FRAS1: variants seen among roughly 807,000 people sequenced by gnomAD.
FRAS1 encodes extracellular matrix organizing protein FRAS1.
In FRAS1, 290 loss-of-function variants were observed where a neutral mutation model predicts 435.2. The observed-to-expected ratio is 0.67, with a 90% CI of 0.61 to 0.73. The LOEUF is 0.73. Ranked by LOEUF, FRAS1 falls within the 30% of genes least tolerant of loss-of-function variation. The pLI is 0.00. For synonymous variants in FRAS1, 1,800 were observed against 1,851.0 expected (o/e 0.97, Z 0.71); for missense variants, 4,860 against 5,001.5 (o/e 0.97, Z 0.85).
intron 70 of FRAS1, among the ~76,000 whole-genome samples, chr4:78,527,392 G>C (rs1721569692): frequency 6.6e-6 from 1 of 152,108 alleles, no homozygotes; most frequent in Non-Finnish European, 1.5e-5. Flanking sequence ...TCAAGGCATT[G>C]AGGTGATAGC....
At chr4:78,419,634 A>G (rs1350651428) in intron 33 of FRAS1, among the ~76,000 whole-genome samples, 4 of 152,194 alleles carry the variant, frequency 2.6e-5, no homozygotes, top group Non-Finnish European at 5.9e-5. Context: ...GGACTTAACT[A>G]ATAAGCCTAT....
At chr4:78,538,953 TAAAAA>T (rs10545506) in intron 72 of FRAS1, among the ~76,000 whole-genome samples, 2 of 134,046 alleles carry the variant, frequency 1.5e-5, no homozygotes, top group Non-Finnish European at 1.6e-5. Context: ...AGACTCCATC[TAAAAA>T]AAAAAAAAAA....
At chr4:78,264,782 C>T (rs992299734) in intron 6 of FRAS1, 2 of 559,290 alleles carry the variant, frequency 3.6e-6, no homozygotes, top group Admixed American at 2.6e-5. Context: ...GTTATTTGTG[C>T]TTTTCTTTGT....
chr4:78,284,278 T>G, intron 12 of FRAS1, 127 bp from the exon 13 acceptor site: 1 of 522,168 alleles, frequency 1.9e-6, no homozygotes, highest in South Asian at 2.3e-5. Context: ...TTTTCCTAAG[T>G]CCCACAGTTT....
At chr4:78,319,354 C>T in intron 18 of FRAS1, 1 of 460,932 alleles carries the variant, frequency 2.2e-6, no homozygotes, top group Non-Finnish European at 4.3e-6. Flanking sequence ...GAATTGGTCC[C>T]TTCAGGGCAA....
At chr4:78,354,410 A>T (rs1450030108) in intron 20 of FRAS1, among the ~76,000 whole-genome samples, 1 of 152,230 alleles carries the variant, frequency 6.6e-6, no homozygotes, top group African/African-American at 2.4e-5. Context: ...AAGAGAATAC[A>T]TGATTTGTAA....
intron 31 of FRAS1, among the ~76,000 whole-genome samples, chr4:78,412,393 A>C (rs536382675): frequency 3.3e-4 from 50 of 152,370 alleles, no homozygotes; most frequent in African/African-American, 1.1e-3. Flanking sequence ...TTTTTGCAGC[A>C]GGAAAAAGTT....
intron 69 of FRAS1, among the ~76,000 whole-genome samples, chr4:78,524,850 G>C (rs1256572015): frequency 6.6e-6 from 1 of 152,140 alleles, no homozygotes; most frequent in African/African-American, 2.4e-5. Context: ...GAATGGTATG[G>C]AGCAGGGTAA....
intron 71 of FRAS1, among the ~76,000 whole-genome samples, 182 bp downstream of exon 71, chr4:78,534,797 G>A (rs114824401): frequency 0.036 from 5,542 of 152,268 alleles, 329 homozygotes; most frequent in African/African-American, 0.13. Context: ...ATGCTGTTTC[G>A]AAATCAAATC....
chr4:78,521,062 T>C (rs1356956848), intron 67 of FRAS1, among the ~76,000 whole-genome samples: 1 of 152,242 alleles, frequency 6.6e-6, no homozygotes, highest in Non-Finnish European at 1.5e-5. Context: ...GTTGGCTTTC[T>C]ACAAGCTGGC....
At chr4:78,526,734 T>C in intron 70 of FRAS1, 77 bp downstream of exon 70, 7 of 900,274 alleles carry the variant, frequency 7.8e-6, no homozygotes, top group Non-Finnish European at 6.7e-6. Context: ...AATTTATTTG[T>C]AACCCCCAAA....
chr4:78,076,438 C>T (rs1740644095), intron 2 of FRAS1, among the ~76,000 whole-genome samples: 1 of 152,216 alleles, frequency 6.6e-6, no homozygotes, highest in South Asian at 2.1e-4. Flanking sequence ...TTAAATTATG[C>T]TCCAGTTAGT....
intron 2 of FRAS1, among the ~76,000 whole-genome samples, chr4:78,203,092 A>T (rs1170744792): frequency 6.6e-6 from 1 of 152,232 alleles, no homozygotes; most frequent in East Asian, 1.9e-4. Flanking sequence ...CATAATGCCA[A>T]TTTTGGGAGT....
intron 26 of FRAS1, 23 bp downstream of exon 26, chr4:78,375,902 T>C: frequency 1.2e-6 from 2 of 1,612,886 alleles, no homozygotes; most frequent in Non-Finnish European, 1.7e-6. Flanking sequence ...CCTCAGATGG[T>C]CTGGTGAATT....
chr4:78,534,647 C>T (rs757257818), intron 71 of FRAS1, 32 bp downstream of exon 71: 4 of 1,602,340 alleles, frequency 2.5e-6, no homozygotes, highest in South Asian at 1.1e-5. Flanking sequence ...CAGAAAGAGG[C>T]TCTGCCTGGA....
chr4:78,199,757 G>A (rs1262784092), intron 2 of FRAS1, among the ~76,000 whole-genome samples: 2 of 152,174 alleles, frequency 1.3e-5, no homozygotes, highest in African/African-American at 2.4e-5. Flanking sequence ...TAGTGCATTA[G>A]GATCAATGAT....
chr4:78,261,054 T>C (rs766863077), intron 6 of FRAS1, among the ~76,000 whole-genome samples: 3 of 152,138 alleles, frequency 2.0e-5, no homozygotes, highest in Non-Finnish European at 4.4e-5. Context: ...CCTCTCTGTT[T>C]CCTTCTCTTT....
At chr4:78,065,135 A>T (rs1009490965) in intron 1 of FRAS1, among the ~76,000 whole-genome samples, 1 of 144,976 alleles carries the variant, frequency 6.9e-6, no homozygotes, top group East Asian at 2.0e-4. Context: ...ACTATATATT[A>T]TATATATACT....
At chr4:78,527,632 T>C (rs10030186) in intron 70 of FRAS1, among the ~76,000 whole-genome samples, 79,305 of 151,966 alleles carry the variant, frequency 0.52, 20,805 homozygotes, top group South Asian at 0.59. Flanking sequence ...TGGTGAACTC[T>C]GCCAAGAGCA....
Sources: gnomAD v4.1 joint callset for allele counts (sites outside exome capture counted in the v4.1 genomes callset) on GRCh38, gnomAD v4.1.1 for gene constraint, MANE v1.5 for transcripts, NCBI Gene and HGNC (gene_info 2026-07-23, HGNC 2026-07-21) for gene names.